Variants in LRRC37A2 observed in about 807,000 individuals in gnomAD.
The protein encoded by LRRC37A2 is leucine rich repeat containing 37 member A2, also known as leucine-rich repeat-containing protein 37A2.
Under a neutral mutation model 68.8 loss-of-function variants are expected in LRRC37A2, and 9 were observed. The observed-to-expected ratio is 0.13, with a 90% CI of 0.08 to 0.23. The LOEUF is 0.23. Ranked by LOEUF, LRRC37A2 falls within the 10% of genes least tolerant of loss-of-function variation. The pLI is 1.00. For synonymous variants in LRRC37A2, 63 were observed against 367.6 expected (o/e 0.17, Z 9.48); for missense variants, 168 against 950.4 (o/e 0.18, Z 10.82).
At chr17:46,490,850 G>A in the LRRC37A2 span, among the ~76,000 whole-genome samples, 94 of 150,642 alleles carry the variant, frequency 6.2e-4, 4 homozygotes, top group African/African-American at 2.1e-3. Flanking sequence ...CCATCTTTGG[G>A]TGGACATGTG....
the LRRC37A2 span, among the ~76,000 whole-genome samples, chr17:47,033,908 G>T: frequency 2.6e-5 from 4 of 151,988 alleles, no homozygotes. Context: ...TTTGAGGCTG[G>T]AAAAAAGCTT....
chr17:46,816,477 A>G, the LRRC37A2 span, among the ~76,000 whole-genome samples: 71 of 19,992 alleles, frequency 3.6e-3, no homozygotes, highest in Admixed American at 7.7e-3. Context: ...GAACACACGC[A>G]CACACACACA....
chr17:46,782,044 A>G, the LRRC37A2 span, among the ~76,000 whole-genome samples: 128,508 of 152,228 alleles, frequency 0.84, 54,561 homozygotes, highest in East Asian at 1. Flanking sequence ...ACATGGGTGG[A>G]GCTGCAGAAG....
the LRRC37A2 span, among the ~76,000 whole-genome samples, chr17:46,863,442 G>T: frequency 6.6e-6 from 1 of 152,208 alleles, no homozygotes; most frequent in East Asian, 1.9e-4. Flanking sequence ...GAGCTTACAG[G>T]ATACAGCTTT....
At chr17:46,779,205 C>G in the LRRC37A2 span, among the ~76,000 whole-genome samples, 1 of 152,168 alleles carries the variant, frequency 6.6e-6, no homozygotes, top group Non-Finnish European at 1.5e-5. Flanking sequence ...GCCTGATGCC[C>G]CTCACTCGCC....
At chr17:46,946,435 T>G in the LRRC37A2 span, among the ~76,000 whole-genome samples, 2 of 124,226 alleles carry the variant, frequency 1.6e-5, no homozygotes, top group Non-Finnish European at 3.1e-5. Flanking sequence ...CACTCCAGCC[T>G]AGGCAAGAAG....
intron 11 of LRRC37A2, among the ~76,000 whole-genome samples, chr17:46,551,369 A>G (rs2056799695): frequency 6.6e-6 from 1 of 150,632 alleles, no homozygotes; most frequent in African/African-American, 2.5e-5. Context: ...CCTTGACGCT[A>G]TGCCACCAGT....
chr17:46,851,731 G>T, the LRRC37A2 span: 1 of 1,248,750 alleles, frequency 8.0e-7, no homozygotes, highest in Non-Finnish European at 1.0e-6. This position sits in a 1 kb window ranked among gnomAD's most constrained non-coding sequence, Gnocchi z 4.3. Flanking sequence ...TGCCCGCCGC[G>T]CCCCCCGCCC....
At chr17:46,829,926 A>G in the LRRC37A2 span, among the ~76,000 whole-genome samples, 5 of 152,138 alleles carry the variant, frequency 3.3e-5, no homozygotes, top group East Asian at 5.8e-4. Context: ...GCAAATGGGT[A>G]TACTAATTCC....
chr17:47,036,417 T>G, the LRRC37A2 span, among the ~76,000 whole-genome samples: 1 of 152,130 alleles, frequency 6.6e-6, no homozygotes, highest in Admixed American at 6.6e-5. Flanking sequence ...GTTGTCTAAT[T>G]TAAGGTCATG....
At chr17:46,655,874 C>T in the LRRC37A2 span, among the ~76,000 whole-genome samples, 2 of 78,442 alleles carry the variant, frequency 2.5e-5, 1 homozygote, top group Non-Finnish European at 4.5e-5. Flanking sequence ...GTCAAAAGAT[C>T]GAACCCTTTT....
chr17:46,529,784 C>T (rs1412789900), intron 6 of LRRC37A2, among the ~76,000 whole-genome samples: 50 of 106,710 alleles, frequency 4.7e-4, no homozygotes, highest in African/African-American at 1.5e-3. Context: ...CTCCATGGCC[C>T]AGGCACAACC....
chr17:46,534,215 TTA>T (rs1491129748), intron 6 of LRRC37A2, among the ~76,000 whole-genome samples: 1 of 148,784 alleles, frequency 6.7e-6, no homozygotes. Flanking sequence ...TAATTTTTTT[TTA>T]TTGATCATTC....
the LRRC37A2 span, chr17:46,830,914 C>T: frequency 5.0e-6 from 2 of 396,762 alleles, no homozygotes; most frequent in East Asian, 7.1e-5. Flanking sequence ...TGCTAAGATC[C>T]TTTTCTAATA....
At chr17:46,893,339 A>G in the LRRC37A2 span, among the ~76,000 whole-genome samples, 1 of 152,190 alleles carries the variant, frequency 6.6e-6, no homozygotes, top group East Asian at 1.9e-4. Context: ...GACAGTGGCC[A>G]CTGTAGTTTC....
chr17:47,011,643 C>T, the LRRC37A2 span, among the ~76,000 whole-genome samples: 84 of 151,020 alleles, frequency 5.6e-4, no homozygotes, highest in African/African-American at 1.9e-3. Flanking sequence ...TGGCCTTAAG[C>T]GATCCTCCCA....
the LRRC37A2 span, among the ~76,000 whole-genome samples, chr17:46,855,353 C>G: frequency 3.3e-5 from 5 of 152,220 alleles, no homozygotes; most frequent in African/African-American, 4.8e-5. Context: ...GCACTGACCC[C>G]TGCTAGACTG....
At chr17:46,678,070 TA>T in the LRRC37A2 span, among the ~76,000 whole-genome samples, 2 of 135,814 alleles carry the variant, frequency 1.5e-5, no homozygotes, top group Non-Finnish European at 3.1e-5. Context: ...GGCAGAATTG[TA>T]AATCCTTCCT....
the LRRC37A2 span, among the ~76,000 whole-genome samples, chr17:46,974,460 C>T: frequency 3.3e-5 from 5 of 152,164 alleles, no homozygotes; most frequent in Non-Finnish European, 5.9e-5. Context: ...CTCCGCCGGG[C>T]GCGGTGGCTC....
Sources: gnomAD v4.1 joint callset for allele counts (sites outside exome capture counted in the v4.1 genomes callset) on GRCh38, gnomAD v4.1.1 for gene constraint, Gnocchi (gnomAD v3.1) non-coding constraint, MANE v1.5 for transcripts, NCBI Gene and HGNC (gene_info 2026-07-23, HGNC 2026-07-21) for gene names.